The following RNF214 variants were observed in gnomAD, a reference collection of about 807,000 sequenced individuals.
RNF214 encodes ring finger protein 214.
Under a neutral mutation model 75.9 loss-of-function variants are expected in RNF214, and 25 were observed. The observed-to-expected ratio is 0.33, with a 90% CI of 0.24 to 0.46. RNF214 has a LOEUF of 0.46. RNF214 is among the 20% of genes least tolerant of loss of function. The pLI is 1.00. For missense variants in RNF214, 725 were observed against 857.5 expected, an observed-to-expected ratio of 0.85 and a Z score of 1.93; for synonymous variants, 314 against 308.8, an observed-to-expected ratio of 1.02 and a Z score of -0.18.
At chr11:117,285,021 C>G in intron 14 of RNF214, 65 bp from the exon 15 acceptor site, 15 of 1,126,722 alleles carry the variant, frequency 1.3e-5, no homozygotes, top group Non-Finnish European at 1.8e-5. Flanking sequence ...ACCTTATTGG[C>G]ATTCTCTCCT....
Position 117,238,912 on chromosome 11 carries a change from A to G in RNF214, c.419A>G (p.His140Arg), listed in dbSNP as rs2032992634. The change falls in exon 3 of 15, where the codon CAT (histidine) becomes CGT (arginine). Residue 140 changes from histidine (H) to arginine (R), a missense_variant. Transcript: ENST00000300650. The stretch of plus-strand genomic sequence containing the variant: ...ACTCGGTCTCTTAAGGCAGGGTGCC[A>G]TACTAAGCAGCTTGCCTCCAGGAAT... ...PVTRSLKAGC[H>R]TKQLASRNCS... 4.3e-6 allele frequency: 7 copies of G among 1,614,208 alleles called. No individual in the cohort carries two copies. The East Asian group carries it at 8.9e-5, about 21-fold the overall frequency.
chr11:117,277,973 CAA>C (rs550645604), intron 6 of RNF214, among the ~76,000 whole-genome samples: 5 of 126,876 alleles, frequency 3.9e-5, no homozygotes, highest in Non-Finnish European at 3.4e-5. Flanking sequence ...GACTCCCTCT[CAA>C]AAAAAAAAAA....
intron 4 of RNF214, among the ~76,000 whole-genome samples, chr11:117,241,436 TG>T (rs971183451): frequency 6.6e-6 from 1 of 151,536 alleles, no homozygotes; most frequent in Non-Finnish European, 1.5e-5. Flanking sequence ...AAAAATTAGC[TG>T]GGTGTGGTGG....
intron 2 of RNF214, 87 bp downstream of exon 2, chr11:117,234,466 C>G: frequency 1.1e-6 from 1 of 883,692 alleles, no homozygotes; most frequent in Admixed American, 1.8e-5. Context: ...CTTTTTGGCT[C>G]TGATGGCACT....
intron 6 of RNF214, among the ~76,000 whole-genome samples, chr11:117,263,525 C>T (rs199895529): frequency 6.6e-6 from 1 of 152,232 alleles, no homozygotes; most frequent in Middle Eastern, 3.4e-3. Context: ...CCACCCGCCT[C>T]GGCCTCCCAA....
rs543230122 is a variant in RNF214, at chr11:117,234,112, C to G, written c.-6-155C>G. On this transcript the variant is annotated intron_variant, in intron 1 of 14. Coordinates refer to ENST00000300650, the MANE Select transcript of RNF214 (RefSeq NM_207343.4). The stretch of plus-strand genomic sequence containing the variant: ...GACACTAGGACTTTGCATACAATGT[C>G]TCTTTTAGTACTCTTAAGTATTTTC... Among the ~76,000 whole-genome samples the G allele has an allele frequency of 2.6e-5, 4 of 152,330 alleles. No individual in the cohort carries two copies. The South Asian group carries it at 8.3e-4, about 32-fold the overall frequency.
chr11:117,252,264 G>A (rs571754649), intron 6 of RNF214, among the ~76,000 whole-genome samples: 1 of 152,282 alleles, frequency 6.6e-6, no homozygotes, highest in East Asian at 1.9e-4. Flanking sequence ...TCAGAGCCTA[G>A]GTTAGCATAA....
At chr11:117,234,610 A>G (rs763870936) in intron 2 of RNF214, among the ~76,000 whole-genome samples, 1 of 152,248 alleles carries the variant, frequency 6.6e-6, no homozygotes, top group Non-Finnish European at 1.5e-5. Context: ...GGTCAAACTC[A>G]TTAAAAAATG....
At chr11:117,266,864 T>TG (rs1264644130) in intron 6 of RNF214, among the ~76,000 whole-genome samples, 1 of 148,634 alleles carries the variant, frequency 6.7e-6, no homozygotes, top group Non-Finnish European at 1.5e-5. Flanking sequence ...TTTTTCTTTT[T>TG]TTTTTTTTGA....
At chr11:117,237,509 G>A (rs999677828) in intron 2 of RNF214, among the ~76,000 whole-genome samples, 1 of 152,184 alleles carries the variant, frequency 6.6e-6, no homozygotes, top group Admixed American at 6.5e-5. Flanking sequence ...TAAAAAAAGA[G>A]GGTGGGGTCA....
chr11:117,260,448 T>C (rs2033629122), intron 6 of RNF214, among the ~76,000 whole-genome samples: 1 of 152,246 alleles, frequency 6.6e-6, no homozygotes, highest in Non-Finnish European at 1.5e-5. Flanking sequence ...TATGAGTCAC[T>C]TGTATGAATA....
At chr11:117,258,521 A>T (rs1217181348) in intron 6 of RNF214, among the ~76,000 whole-genome samples, 1 of 152,098 alleles carries the variant, frequency 6.6e-6, no homozygotes, top group Non-Finnish European at 1.5e-5. Flanking sequence ...TACATAATTA[A>T]TTAGAGTTTA....
chr11:117,239,480 G>C (rs1194983653), intron 3 of RNF214: 1 of 458,120 alleles, frequency 2.2e-6, no homozygotes, highest in African/African-American at 2.0e-5. Flanking sequence ...AGTGTATCCT[G>C]CCTTCTAGTG....
chr11:117,235,807 T>G (rs775471453), intron 2 of RNF214, among the ~76,000 whole-genome samples: 2 of 152,174 alleles, frequency 1.3e-5, no homozygotes, highest in African/African-American at 2.4e-5. Context: ...ATAGTGATGT[T>G]GTGGTGTATG....
intron 2 of RNF214, among the ~76,000 whole-genome samples, chr11:117,234,770 CATA>C (rs1178613034): frequency 6.6e-6 from 1 of 152,168 alleles, no homozygotes; most frequent in African/African-American, 2.4e-5. Flanking sequence ...ACTTATATCT[CATA>C]GTAGCTAATA....
At chr11:117,265,289 A>T (rs1265954103) in intron 6 of RNF214, among the ~76,000 whole-genome samples, 1 of 152,172 alleles carries the variant, frequency 6.6e-6, no homozygotes. Context: ...CTGGCAATGG[A>T]CATCATAAAA....
intron 4 of RNF214, among the ~76,000 whole-genome samples, chr11:117,244,084 C>T (rs2033149001): frequency 1.3e-5 from 2 of 152,144 alleles, no homozygotes; most frequent in South Asian, 2.1e-4. Context: ...CAGGCTCAAG[C>T]GATCATCCCA....
Position 117,233,224 on chromosome 11 carries a change from C to A in RNF214, c.-7+498C>A, listed in dbSNP as rs2032779657. On this transcript the variant is annotated intron_variant, in intron 1 of 14. Coordinates refer to ENST00000300650, the MANE Select transcript of RNF214 (RefSeq NM_207343.4). ...TTGTCCTGGGGTTTCGTTCACCGGGCGCAGAGGACCCCCCAGCCCTGGGCT... is the reference window on the plus strand; with the variant it reads ...TTGTCCTGGGGTTTCGTTCACCGGGAGCAGAGGACCCCCCAGCCCTGGGCT... Among the ~76,000 whole-genome samples, 3 of 152,194 alleles carry A rather than the reference C, an allele frequency of 2.0e-5. No homozygotes were observed. In the South Asian group the frequency reaches 6.2e-4, roughly 31 times the overall value.
At chr11:117,279,876 C>T (rs1233228459) in intron 6 of RNF214, 32 bp from the exon 7 acceptor site, 1 of 1,531,112 alleles carries the variant, frequency 6.5e-7, no homozygotes, top group African/African-American at 1.4e-5. Flanking sequence ...ATCTTTCTTC[C>T]TTAGTCTTGT....
Sources: allele counts gnomAD v4.1 joint callset (sites outside exome capture counted in the v4.1 genomes callset), GRCh38; gene constraint gnomAD v4.1.1; transcripts MANE v1.5; gene names NCBI Gene and HGNC (gene_info 2026-07-23, HGNC 2026-07-21).